SEMA3A: variants seen among roughly 807,000 people sequenced by gnomAD.
The protein encoded by SEMA3A is semaphorin 3A.
Under a neutral mutation model 97.9 loss-of-function variants are expected in SEMA3A, and 29 were observed. The ratio of observed to expected loss-of-function variants is 0.30; its 90% confidence interval spans 0.22 to 0.40. The LOEUF is 0.40. SEMA3A is among the 10% of genes least tolerant of loss of function. SEMA3A has a pLI of 1.00. For synonymous variants in SEMA3A, 321 were observed against 323.7 expected (o/e 0.99, Z 0.09); for missense variants, 763 against 951.3 (o/e 0.80, Z 2.60).
intron 3 of SEMA3A, among the ~76,000 whole-genome samples, chr7:84,203,515 TA>T (rs1252875811): frequency 7.5e-5 from 4 of 53,140 alleles, no homozygotes; most frequent in Admixed American, 3.0e-4. Flanking sequence ...TATATATATA[TA>T]TATATATATA....
intron 1 of SEMA3A, among the ~76,000 whole-genome samples, chr7:84,157,902 A>C (rs868270702): frequency 3.3e-5 from 5 of 152,092 alleles, no homozygotes; most frequent in Non-Finnish European, 5.9e-5. Context: ...CCTTGCGCAA[A>C]CTTCGTACCA....
In SEMA3A at chr7:84,344,463, C is replaced by A. The variant is rs543862490; in HGVS notation, c.-169+27361G>T. On this transcript the variant is annotated intron_variant, in intron 2 of 3. Transcript: ENST00000424555. ...GTGCAGTGCAGAGAAGGAGAGAAGA[C>A]CCAAGAATTGAACAAAATTTTTACT... Among the ~76,000 whole-genome samples, 18 of 152,166 alleles carry A rather than the reference C, an allele frequency of 1.2e-4. No homozygotes were observed. The South Asian group carries it at 1.5e-3, about 12-fold the overall frequency.
chr7:84,078,038 G>C (rs879855233), intron 4 of SEMA3A, among the ~76,000 whole-genome samples: 3 of 152,018 alleles, frequency 2.0e-5, no homozygotes, highest in Admixed American at 2.0e-4. Context: ...AACTATTTAA[G>C]ATGTGTGGAG....
At chr7:84,132,567 A>G (rs1175291713) in intron 2 of SEMA3A, among the ~76,000 whole-genome samples, 1 of 151,866 alleles carries the variant, frequency 6.6e-6, no homozygotes, top group Non-Finnish European at 1.5e-5. Context: ...ACATATATGA[A>G]TATCACAAAA....
At chr7:84,123,323 T>C (rs554791438) in intron 3 of SEMA3A, among the ~76,000 whole-genome samples, 9 of 152,214 alleles carry the variant, frequency 5.9e-5, no homozygotes, top group African/African-American at 2.2e-4. Context: ...TCGACTGTAT[T>C]TATTTCCCTA....
intron 1 of SEMA3A, among the ~76,000 whole-genome samples, chr7:84,180,522 T>C (rs754018394): frequency 6.6e-6 from 1 of 151,806 alleles, no homozygotes; most frequent in Non-Finnish European, 1.5e-5. Context: ...ACTCCATCTC[T>C]ACTAAAAATA....
At chr7:84,376,519 G>A (rs985915128) in intron 1 of SEMA3A, among the ~76,000 whole-genome samples, 1 of 124,960 alleles carries the variant, frequency 8.0e-6, no homozygotes, top group Non-Finnish European at 1.7e-5. Flanking sequence ...CAGGAGAATG[G>A]CGTGAACCCG....
intron 1 of SEMA3A, among the ~76,000 whole-genome samples, chr7:84,474,796 C>T (rs1469939249): frequency 2.0e-5 from 3 of 151,798 alleles, no homozygotes; most frequent in Admixed American, 6.6e-5. Context: ...GCCCCATACA[C>T]AGTAAAAATG....
chr7:84,050,677 G>A (rs938786360), intron 5 of SEMA3A, among the ~76,000 whole-genome samples: 4 of 152,222 alleles, frequency 2.6e-5, no homozygotes, highest in African/African-American at 9.6e-5. Context: ...CACTCTGATG[G>A]TAGTTTCTTA....
At chr7:83,977,279 AATAT>A in intron 14 of SEMA3A, 83 bp from the exon 15 acceptor site, 4 of 600,640 alleles carry the variant, frequency 6.7e-6, no homozygotes, top group Non-Finnish European at 8.4e-6. Flanking sequence ...AGAGAAATAA[AATAT>A]ATATATATAT....
chr7:84,017,662 C>T (rs914511301), intron 6 of SEMA3A, among the ~76,000 whole-genome samples: 2 of 152,126 alleles, frequency 1.3e-5, no homozygotes, highest in Non-Finnish European at 2.9e-5. Flanking sequence ...AGAAAATCTG[C>T]TTTTTGGCCA....
At chr7:84,400,951 G>C (rs746659050) in intron 1 of SEMA3A, among the ~76,000 whole-genome samples, 1 of 152,132 alleles carries the variant, frequency 6.6e-6, no homozygotes, top group African/African-American at 2.4e-5. Context: ...TTTCCTGTAA[G>C]AACTGGAACA....
intron 3 of SEMA3A, among the ~76,000 whole-genome samples, chr7:84,200,789 T>G (rs898266261): frequency 1.9e-5 from 2 of 107,146 alleles, no homozygotes; most frequent in African/African-American, 3.4e-5. Context: ...AATACCTGGG[T>G]TTTTTTTCCT....
At chr7:84,227,902 T>TGG (rs1373864228) in intron 3 of SEMA3A, among the ~76,000 whole-genome samples, 1 of 151,574 alleles carries the variant, frequency 6.6e-6, no homozygotes, top group East Asian at 1.9e-4. Flanking sequence ...TGTGTGTGTG[T>TGG]GTGTGCGTGC....
At chr7:84,294,112 T>A (rs1800813706) in intron 3 of SEMA3A, among the ~76,000 whole-genome samples, 1 of 152,070 alleles carries the variant, frequency 6.6e-6, no homozygotes, top group Non-Finnish European at 1.5e-5. Flanking sequence ...ACATTTTGTA[T>A]ATTTTTGGAG....
intron 4 of SEMA3A, among the ~76,000 whole-genome samples, chr7:84,062,453 C>A (rs867907639): frequency 6.6e-6 from 1 of 152,212 alleles, no homozygotes; most frequent in Non-Finnish European, 1.5e-5. Flanking sequence ...CGGTCTACGG[C>A]TCCCAGAGTG....
intron 3 of SEMA3A, among the ~76,000 whole-genome samples, chr7:84,116,970 T>C (rs1795450946): frequency 6.6e-6 from 1 of 152,210 alleles, no homozygotes; most frequent in Non-Finnish European, 1.5e-5. Flanking sequence ...TTACCATTGC[T>C]TAAAATATTT....
intron 3 of SEMA3A, among the ~76,000 whole-genome samples, chr7:84,254,823 G>A (rs1799682047): frequency 2.0e-5 from 3 of 151,854 alleles, no homozygotes; most frequent in Admixed American, 2.0e-4. Flanking sequence ...GTCTATTTTT[G>A]TCTGCTTTTA....
intron 1 of SEMA3A, among the ~76,000 whole-genome samples, chr7:84,170,107 T>C (rs1000368652): frequency 2.0e-5 from 3 of 151,974 alleles, no homozygotes; most frequent in Admixed American, 6.6e-5. Context: ...AGATGAATGA[T>C]ACTTCAGGTG....
Sources: gnomAD v4.1 joint callset for allele counts (sites outside exome capture counted in the v4.1 genomes callset) on GRCh38, gnomAD v4.1.1 for gene constraint, MANE v1.5 for transcripts, NCBI Gene and HGNC (gene_info 2026-07-23, HGNC 2026-07-21) for gene names.